Variants in SLC71A1 observed in about 807,000 individuals in gnomAD.
The protein encoded by SLC71A1 is hippocampus abundant gene transcript 1.
chr1:100,038,353 G>GC, the SLC71A1 span: 1 of 1,530,844 alleles, frequency 6.5e-7, no homozygotes, highest in Non-Finnish European at 8.9e-7. Context: ...GTCCCTCGGG[G>GC]CCCCCATCCG....
chr1:100,060,075 T>A, the SLC71A1 span: 3 of 1,389,126 alleles, frequency 2.2e-6, no homozygotes, highest in Non-Finnish European at 2.9e-6. Context: ...GTTCCTTTAT[T>A]TCTTTCACTT....
chr1:100,058,483 C>T, the SLC71A1 span, among the ~76,000 whole-genome samples: 1 of 151,998 alleles, frequency 6.6e-6, no homozygotes, highest in African/African-American at 2.4e-5. Context: ...AATGTAGTGC[C>T]CTGTGACATA....
At chr1:100,071,468 C>G in the SLC71A1 span, among the ~76,000 whole-genome samples, 1 of 151,454 alleles carries the variant, frequency 6.6e-6, no homozygotes, top group Non-Finnish European at 1.5e-5. Flanking sequence ...GAGACCCTGT[C>G]TCAAAAAAAA....
At chr1:100,054,035 T>TC in the SLC71A1 span, among the ~76,000 whole-genome samples, 6 of 150,956 alleles carry the variant, frequency 4.0e-5, no homozygotes, top group African/African-American at 7.3e-5. Context: ...TTTTTTTTTT[T>TC]CTTTCCTTTT....
At chr1:100,067,206 T>A in the SLC71A1 span, among the ~76,000 whole-genome samples, 1 of 152,034 alleles carries the variant, frequency 6.6e-6, no homozygotes, top group Non-Finnish European at 1.5e-5. Context: ...GCTCCAAGGC[T>A]TAGAAAGTTT....
the SLC71A1 span, chr1:100,049,867 G>A: frequency 4.0e-6 from 4 of 1,010,172 alleles, no homozygotes; most frequent in Non-Finnish European, 4.6e-6. Context: ...AGAATGTACT[G>A]TTAACTTTTT....
chr1:100,056,494 C>T, the SLC71A1 span, among the ~76,000 whole-genome samples: 9 of 152,192 alleles, frequency 5.9e-5, no homozygotes, highest in Non-Finnish European at 1.2e-4. Context: ...ACCGTAATCC[C>T]AGCTACTCAG....
chr1:100,056,582 C>T, the SLC71A1 span, among the ~76,000 whole-genome samples: 1 of 152,112 alleles, frequency 6.6e-6, no homozygotes, highest in Non-Finnish European at 1.5e-5. Flanking sequence ...CGCACTCCAG[C>T]CTGGGCGACA....
chr1:100,078,589 G>A, the SLC71A1 span: 1 of 1,362,754 alleles, frequency 7.3e-7, no homozygotes, highest in Non-Finnish European at 1.0e-6. Flanking sequence ...TAAAAGTACA[G>A]AATGTTCTAA....
the SLC71A1 span, among the ~76,000 whole-genome samples, chr1:100,066,999 A>AC: frequency 1.3e-5 from 2 of 150,936 alleles, no homozygotes; most frequent in South Asian, 2.1e-4. Context: ...AAAAAAAAAA[A>AC]AAAAAAAAAA....
chr1:100,050,794 C>G, the SLC71A1 span, among the ~76,000 whole-genome samples: 1 of 151,998 alleles, frequency 6.6e-6, no homozygotes, highest in South Asian at 2.1e-4. Context: ...ACTATCTATA[C>G]ATAAAATATT....
chr1:100,078,607 TTC>T, the SLC71A1 span: 1 of 1,192,506 alleles, frequency 8.4e-7, no homozygotes, highest in Non-Finnish European at 1.2e-6. Context: ...TAATCCTGTG[TTC>T]TGTCTCCTAT....
the SLC71A1 span, among the ~76,000 whole-genome samples, chr1:100,046,221 T>TTG: frequency 8.2e-5 from 8 of 97,672 alleles, no homozygotes; most frequent in South Asian, 3.9e-4. Flanking sequence ...CGTTTTTTTT[T>TTG]TTTTTTTTTT....
the SLC71A1 span, among the ~76,000 whole-genome samples, chr1:100,045,095 A>G: frequency 6.6e-6 from 1 of 151,632 alleles, no homozygotes; most frequent in African/African-American, 2.4e-5. Context: ...TTTGGTCAGT[A>G]TAGTCATTTT....
At chr1:100,038,569 C>A in the SLC71A1 span, among the ~76,000 whole-genome samples, 1 of 152,194 alleles carries the variant, frequency 6.6e-6, no homozygotes, top group Non-Finnish European at 1.5e-5. Context: ...CTGGCCGCCT[C>A]TGCAGGCCCT....
the SLC71A1 span, chr1:100,078,321 C>T: frequency 6.6e-6 from 4 of 603,258 alleles, no homozygotes; most frequent in Non-Finnish European, 1.2e-5. Flanking sequence ...CCCATAGTCA[C>T]CTAGTAAGCA....
At chr1:100,050,286 C>T in the SLC71A1 span, among the ~76,000 whole-genome samples, 2 of 152,022 alleles carry the variant, frequency 1.3e-5, no homozygotes, top group Non-Finnish European at 2.9e-5. Flanking sequence ...ATTCTTAAAC[C>T]GACAGGTTTA....
the SLC71A1 span, among the ~76,000 whole-genome samples, chr1:100,070,463 A>C: frequency 6.6e-6 from 1 of 152,174 alleles, no homozygotes; most frequent in Non-Finnish European, 1.5e-5. Context: ...TCCTCATAAG[A>C]CTTGAGTAAG....
chr1:100,069,237 T>A, the SLC71A1 span, among the ~76,000 whole-genome samples: 1 of 152,204 alleles, frequency 6.6e-6, no homozygotes, highest in Non-Finnish European at 1.5e-5. Flanking sequence ...CATATGTAAG[T>A]AGAGCAGCTA....
Sources: gnomAD v4.1 joint callset for allele counts (sites outside exome capture counted in the v4.1 genomes callset) on GRCh38, gnomAD v4.1.1 for gene constraint, MANE v1.5 for transcripts, NCBI Gene and HGNC (gene_info 2026-07-23, HGNC 2026-07-21) for gene names.